Variants in ZNF410 observed in about 807,000 individuals in gnomAD.
The protein encoded by ZNF410 is zinc finger protein 410, also known as another partner for ARF 1.
ZNF410 carries 18 observed loss-of-function variants against 54.8 expected under a neutral mutation model. The observed-to-expected ratio is 0.33, with a 90% CI of 0.23 to 0.49. The LOEUF is 0.49. Among genes scored for constraint, ZNF410 ranks in the 20% least tolerant of loss-of-function variants. The probability of loss-of-function intolerance (pLI) is 0.99; values close to 1 mark genes in which losing one functional copy is unlikely to be tolerated. For synonymous variants in ZNF410, 191 were observed against 207.3 expected, an observed-to-expected ratio of 0.92 and a Z score of 0.68; for missense variants, 405 against 569.6, an observed-to-expected ratio of 0.71 and a Z score of 2.94.
At chr14:73,892,760 G>A (rs1395027707) in intron 2 of ZNF410, among the ~76,000 whole-genome samples, 2 of 152,058 alleles carry the variant, frequency 1.3e-5, no homozygotes, top group African/African-American at 4.8e-5. Flanking sequence ...GTCACTTAAT[G>A]TCTTCAATTT....
chr14:73,902,957 C>G (rs1338395470), intron 5 of ZNF410, among the ~76,000 whole-genome samples: 1 of 152,096 alleles, frequency 6.6e-6, no homozygotes, highest in East Asian at 1.9e-4. Flanking sequence ...TTTTGAATTC[C>G]TTAAGTATTT....
chr14:73,898,367 G>C, intron 5 of ZNF410, 105 bp downstream of exon 5: 2 of 1,156,990 alleles, frequency 1.7e-6, no homozygotes, highest in South Asian at 2.8e-5. Flanking sequence ...CTATTGATGA[G>C]AGCAGAAGGC....
rs981108883 is a variant in ZNF410 at position 73,894,456 on chromosome 14, C to T, written c.169+524C>T. 4.2e-5 allele frequency: 29 copies of T among 692,480 alleles called. No homozygotes were observed. In the African/African-American group the frequency reaches 4.5e-4, roughly 11 times the overall value. The allele number at this position is 692,480 out of a possible 1,614,324, so 42.9% of individuals were successfully genotyped here. On this transcript the variant is annotated intron_variant, in intron 3 of 11. Transcript: ENST00000555044. ...TTTTTTTTTGAGATGGAGTGTCACT[C>T]TGTCGCCCAGGCTGGAGTGTAGTGA...
At chr14:73,900,311 ATAAAAT>A (rs2140301289) in intron 5 of ZNF410, among the ~76,000 whole-genome samples, 1 of 152,194 alleles carries the variant, frequency 6.6e-6, no homozygotes, top group African/African-American at 2.4e-5. Context: ...AAGCATGTAG[ATAAAAT>A]TAACATTATA....
At chr14:73,911,771 A>T (rs1479272461) in intron 8 of ZNF410, among the ~76,000 whole-genome samples, 1 of 152,194 alleles carries the variant, frequency 6.6e-6, no homozygotes, top group African/African-American at 2.4e-5. Context: ...TTAAATCAGG[A>T]TCCAACAAGA....
chr14:73,901,550 A>G (rs73299592), intron 5 of ZNF410, among the ~76,000 whole-genome samples: 1,698 of 151,394 alleles, frequency 0.011, 26 homozygotes, highest in African/African-American at 0.039. Flanking sequence ...CATTTTTCCT[A>G]TTTTATGATT....
rs1566670860 is a variant in ZNF410 at position 73,932,032 on chromosome 14, T to C, written c.*491T>C. ...TCAATTCTCTTGTTACATTCTCCCT[T>C]TAGCAACCTGAGTAAGAGACTCTCT... On this transcript the variant is annotated 3_prime_UTR_variant, in exon 12 of 12. Transcript: ENST00000555044. The C allele has an allele frequency of 2.2e-6, 1 of 456,448 alleles. No individual in the cohort carries two copies. The highest frequency in any genetic ancestry group is 4.4e-6 in the Non-Finnish European group (1 of 226,770). 28.3% of individuals were successfully genotyped at this position (456,448 alleles called of 1,614,324 possible).
chr14:73,896,369 T>G lies in ZNF410; in HGVS notation c.223T>G (p.Leu75Val). Residue 75 changes from leucine to valine, a missense_variant, in exon 4 of 12, where the codon TTG (leucine) becomes GTG (valine). By Grantham distance (32) the Leu-to-Val change is conservative (BLOSUM62 1). This residue lies in a region of ZNF410 where 247 missense variants were observed against 342.8 expected (regional missense o/e 0.72). Transcript: ENST00000555044. ...CAAGGAGGTCCCTTCCTCAGCTGTT[T>G]TGAGAAGCCTTCGGGTGAATGTGGG... The part of the protein sequence containing the change: ...SSKEVPSSAV[L>V]RSLRVNVGPD... 6.2e-7 allele frequency: 1 copy of G among 1,614,174 alleles called. No individual in the cohort carries two copies. Among genetic ancestry groups the G allele is most frequent in the Non-Finnish European group, 8.5e-7 (1 of 1,180,028 alleles).
intron 1 of ZNF410, chr14:73,888,480 G>A (rs1350105912): frequency 1.3e-5 from 2 of 152,072 alleles, no homozygotes; most frequent in African/African-American, 4.8e-5. Flanking sequence ...CATTAGAAGT[G>A]GGAAGTGACC....
intron 5 of ZNF410, among the ~76,000 whole-genome samples, chr14:73,902,039 A>G (rs1297281300): frequency 6.6e-6 from 1 of 151,272 alleles, no homozygotes; most frequent in Non-Finnish European, 1.5e-5. Flanking sequence ...AGATTCCTTC[A>G]CGGCATATGT....
intron 1 of ZNF410, among the ~76,000 whole-genome samples, chr14:73,887,723 G>T (rs1477019740): frequency 2.6e-5 from 4 of 152,110 alleles, no homozygotes; most frequent in Non-Finnish European, 4.4e-5. Flanking sequence ...AATTGCACTT[G>T]GTTTTTTCTT....
At chr14:73,921,336 A>G in intron 9 of ZNF410, 1 of 433,390 alleles carries the variant, frequency 2.3e-6, no homozygotes, top group Non-Finnish European at 4.0e-6. Flanking sequence ...AAACAAAGCA[A>G]TCTGATAAAT....
chr14:73,910,803 A>ACATATTTATAAGAGGG, intron 8 of ZNF410, among the ~76,000 whole-genome samples: 3 of 142,060 alleles, frequency 2.1e-5, no homozygotes, highest in African/African-American at 8.2e-5. Flanking sequence ...TTGAGGCTGC[A>ACATATTTATAAGAGGG]GTGAGTTGTG....
chr14:73,888,461 T>C (rs562705770), intron 1 of ZNF410: 27 of 152,252 alleles, frequency 1.8e-4, no homozygotes, highest in Admixed American at 1.7e-3. Flanking sequence ...TTTAAGCTCA[T>C]AGTAAACACA....
At position 73,893,917 on chromosome 14, in the gene ZNF410, C is replaced by T. The variant is rs748277797; in HGVS notation, c.154C>T (p.Arg52Trp). ...LPVTEASECS[R>W]LMLPDDTTNH... is the part of the protein sequence containing the mutation. ...CGTGACTGAAGCCTCAGAATGCAGT[C>T]GGCTAATGTTACCAGGTAAAAATTA... The change falls in exon 3 of 12, where the codon CGG (arginine) becomes TGG (tryptophan). Residue 52 changes from arginine (R) to tryptophan (W), a missense_variant. By Grantham distance (101) the Arg-to-Trp change is moderately radical. Transcript: ENST00000555044. The T allele has an allele frequency of 6.2e-6, 10 of 1,609,484 alleles. No homozygotes were observed. The highest frequency in any genetic ancestry group is 1.7e-5 in the Admixed American group (1 of 58,490).
chr14:73,909,886 C>A (rs2055550934), intron 8 of ZNF410, among the ~76,000 whole-genome samples: 1 of 152,142 alleles, frequency 6.6e-6, no homozygotes, highest in Non-Finnish European at 1.5e-5. Context: ...AGAAACTATG[C>A]CTTTGGCAAA....
At chr14:73,916,550 CCT>C (rs917002412) in intron 8 of ZNF410, 2 of 152,136 alleles carry the variant, frequency 1.3e-5, no homozygotes, top group African/African-American at 4.8e-5. Context: ...CTTGTTATAG[CCT>C]CTCTGCTTTC....
chr14:73,905,237 C>A, intron 7 of ZNF410, 154 bp downstream of exon 7: 2 of 729,158 alleles, frequency 2.7e-6, no homozygotes, highest in Non-Finnish European at 4.3e-6. Flanking sequence ...TGACTTGTTG[C>A]ACTTATAATA....
At chr14:73,907,569 T>C (rs1365765295) in intron 7 of ZNF410, among the ~76,000 whole-genome samples, 1 of 150,530 alleles carries the variant, frequency 6.6e-6, no homozygotes, top group East Asian at 2.0e-4. Context: ...CACTCCATCC[T>C]AGGAGACAGA....
Sources: gnomAD v4.1 joint callset for allele counts (sites outside exome capture counted in the v4.1 genomes callset) on GRCh38, gnomAD v4.1.1 for gene constraint, gnomAD v4.1.1 regional missense constraint, MANE v1.5 for transcripts, NCBI Gene and HGNC (gene_info 2026-07-23, HGNC 2026-07-21) for gene names.